Variants in SMYD3 observed in about 807,000 individuals in gnomAD.
The protein encoded by SMYD3 is histone-lysine N-methyltransferase SMYD3.
A neutral mutation model predicts 57.7 loss-of-function variants in SMYD3; 36 were observed. The ratio of observed to expected loss-of-function variants is 0.62; its 90% CI spans 0.48 to 0.82. SMYD3 has a LOEUF of 0.82. SMYD3 is among the 40% of genes least tolerant of loss of function. The probability of loss-of-function intolerance (pLI) is 0.00; values close to 1 mark genes in which losing one functional copy is unlikely to be tolerated. For synonymous variants in SMYD3, 211 were observed against 195.0 expected (o/e 1.08, Z -0.68); for missense variants, 515 against 538.8 (o/e 0.96, Z 0.44).
chr1:246,096,497 G>C (rs1255576146), intron 5 of SMYD3: 1 of 152,212 alleles, frequency 6.6e-6, no homozygotes, highest in East Asian at 1.9e-4. Context: ...ACGATGGGAA[G>C]AATGAAGCTC....
intron 5 of SMYD3, among the ~76,000 whole-genome samples, chr1:246,040,486 T>A (rs564871535): frequency 6.6e-6 from 1 of 152,214 alleles, no homozygotes; most frequent in Non-Finnish European, 1.5e-5. Flanking sequence ...GATGCTGCCG[T>A]CTGAGCACTG....
intron 5 of SMYD3, among the ~76,000 whole-genome samples, chr1:246,310,795 G>A (rs527686135): frequency 1.3e-4 from 19 of 150,718 alleles, no homozygotes; most frequent in South Asian, 6.3e-4. Context: ...TCAGTCTCCC[G>A]AGTAGCTGGG....
intron 1 of SMYD3, among the ~76,000 whole-genome samples, chr1:246,424,387 G>C (rs2067187712): frequency 6.6e-6 from 1 of 150,822 alleles, no homozygotes; most frequent in African/African-American, 2.4e-5. Context: ...AAGGAAGACA[G>C]AAAAAGAGAG....
intron 5 of SMYD3, chr1:246,325,991 AT>A (rs144217415): frequency 0.022 from 3,523 of 162,360 alleles, 132 homozygotes; most frequent in African/African-American, 0.079. Context: ...TTTGAAATCA[AT>A]TTTAAATTAT....
chr1:245,832,498 T>G (rs10924348), intron 10 of SMYD3, among the ~76,000 whole-genome samples: 118,876 of 149,844 alleles, frequency 0.79, 49,865 homozygotes, highest in Non-Finnish European at 0.95. Flanking sequence ...TTTTTTTTTT[T>G]GAGAGTTGAG....
intron 1 of SMYD3, among the ~76,000 whole-genome samples, chr1:246,414,771 G>A (rs1313712520): frequency 7.0e-6 from 1 of 143,646 alleles, no homozygotes; most frequent in Non-Finnish European, 1.5e-5. Flanking sequence ...AGACCAGAGT[G>A]CAGTGGCATG....
chr1:246,277,417 T>C (rs1030421469), intron 5 of SMYD3, among the ~76,000 whole-genome samples: 1 of 152,068 alleles, frequency 6.6e-6, no homozygotes, highest in Non-Finnish European at 1.5e-5. Context: ...CTTTGGAAAA[T>C]AGTTTGGCTG....
rs562350866 is a variant in SMYD3 at position 245,806,726 on chromosome 1, A to C, written c.1077-42577T>G. ...GAGATGGAGACCATCCTGGCTAACA[A>C]GGTGAAACCCCGTCTCTACTAAAAA... On this transcript the variant is annotated intron_variant, in intron 10 of 11. Transcript: ENST00000490107. Among the ~76,000 whole-genome samples, 604 of 151,672 alleles carry C rather than the reference A, an allele frequency of 4.0e-3. 4 individuals carry two copies. Among genetic ancestry groups the C allele is most frequent in the South Asian group, 6.3e-3 (30 of 4,762 alleles).
chr1:246,333,746 C>T (rs977853968), intron 3 of SMYD3, among the ~76,000 whole-genome samples: 4 of 151,696 alleles, frequency 2.6e-5, no homozygotes, highest in African/African-American at 7.3e-5. Flanking sequence ...ACTAGCGGGG[C>T]GTGGTGGCAT....
intron 5 of SMYD3, among the ~76,000 whole-genome samples, chr1:246,224,256 G>A (rs1190905738): frequency 6.6e-6 from 1 of 152,060 alleles, no homozygotes; most frequent in African/African-American, 2.4e-5. Context: ...TTTAGACTGA[G>A]TGGTCAGAGA....
At chr1:246,329,732 T>A (rs113196702) in intron 4 of SMYD3, among the ~76,000 whole-genome samples, 2 of 152,332 alleles carry the variant, frequency 1.3e-5, no homozygotes, top group African/African-American at 4.8e-5. Flanking sequence ...TTTGTTGCCA[T>A]TGCTTTTCTT....
chr1:246,043,561 T>C (rs1172930215), intron 5 of SMYD3, among the ~76,000 whole-genome samples: 2 of 152,212 alleles, frequency 1.3e-5, no homozygotes, highest in African/African-American at 4.8e-5. Flanking sequence ...ACAGATCATG[T>C]GACAACAAAT....
intron 1 of SMYD3, among the ~76,000 whole-genome samples, chr1:246,409,484 G>A (rs2066925510): frequency 1.3e-5 from 2 of 152,160 alleles, no homozygotes; most frequent in African/African-American, 4.8e-5. Flanking sequence ...TGAGATAGTT[G>A]TAGATATGCA....
At chr1:246,364,308 G>A (rs1572424007) in intron 1 of SMYD3, among the ~76,000 whole-genome samples, 3 of 151,806 alleles carry the variant, frequency 2.0e-5, no homozygotes, top group Admixed American at 1.3e-4. Context: ...AGACGGGACT[G>A]TGTATAGTTT....
At position 246,161,480 on chromosome 1, in the gene SMYD3, A is replaced by G. The variant is rs114082006; in HGVS notation, c.531+165721T>C. Among the ~76,000 whole-genome samples the G allele has an allele frequency of 3.6e-3, 544 of 152,204 alleles. 2 individuals are homozygous for G. Among genetic ancestry groups the G allele is most frequent in the Non-Finnish European group, 6.5e-3 (439 of 68,004 alleles). ...GCAATTCAGGCCTCGTTTCTCCAGG[A>G]AGCCTTCTCTGGCCTCCACCTTTGA... On this transcript the variant is annotated intron_variant, in intron 5 of 11. Transcript: ENST00000490107.
At chr1:246,291,615 G>C (rs908891438) in intron 5 of SMYD3, among the ~76,000 whole-genome samples, 1 of 152,164 alleles carries the variant, frequency 6.6e-6, no homozygotes, top group Non-Finnish European at 1.5e-5. Context: ...AGAAAAACCA[G>C]TAATTTAAGC....
chr1:246,162,613 GC>G (rs754562611), intron 5 of SMYD3, among the ~76,000 whole-genome samples: 8 of 152,096 alleles, frequency 5.3e-5, no homozygotes, highest in Admixed American at 3.9e-4. Flanking sequence ...AAAATAACCA[GC>G]ACTTCCTAAC....
intron 5 of SMYD3, among the ~76,000 whole-genome samples, chr1:245,973,223 C>T (rs1411728924): frequency 6.6e-6 from 1 of 152,180 alleles, no homozygotes; most frequent in Non-Finnish European, 1.5e-5. Flanking sequence ...TATTGAAGGA[C>T]AAACACTTAG....
chr1:245,970,981 T>C (rs539084613), intron 5 of SMYD3, among the ~76,000 whole-genome samples: 40 of 152,282 alleles, frequency 2.6e-4, no homozygotes, highest in African/African-American at 9.4e-4. Context: ...CATTCTACTA[T>C]AAAGACACAT....
Sources: gnomAD v4.1 joint callset for allele counts (sites outside exome capture counted in the v4.1 genomes callset) on GRCh38, gnomAD v4.1.1 for gene constraint, MANE v1.5 for transcripts, NCBI Gene and HGNC (gene_info 2026-07-23, HGNC 2026-07-21) for gene names.